Variants in CDK14 observed in about 807,000 individuals in gnomAD.
CDK14 encodes the protein cyclin dependent kinase 14, also known as cyclin-dependent kinase 14.
A neutral mutation model predicts 60.7 loss-of-function variants in CDK14; 34 were observed. The observed-to-expected ratio is 0.56, with a 90% CI of 0.43 to 0.75. The LOEUF is 0.75. Among genes scored for constraint, CDK14 ranks in the 30% least tolerant of loss-of-function variants. CDK14 has a pLI of 0.00. For synonymous variants in CDK14, 197 were observed against 203.7 expected, an observed-to-expected ratio of 0.97 and a Z score of 0.28; for missense variants, 482 against 564.1, an observed-to-expected ratio of 0.85 and a Z score of 1.47.
At chr7:90,893,152 G>A (rs992099548) in intron 6 of CDK14, among the ~76,000 whole-genome samples, 2 of 152,098 alleles carry the variant, frequency 1.3e-5, no homozygotes, top group Non-Finnish European at 2.9e-5. Context: ...ACACTTGATA[G>A]CTTCCTTTAA....
Position 91,085,396 on chromosome 7 carries a change from G to A in CDK14, c.1154+5916G>A, listed in dbSNP as rs1001502713. ...CATAGCCACCTTCTCCATCAAACAAGCTTCTGATCTCTCTGACTTCCTGTC... is the reference window on the plus strand; with the variant it reads ...CATAGCCACCTTCTCCATCAAACAAACTTCTGATCTCTCTGACTTCCTGTC... On this transcript the variant is annotated intron_variant, in intron 12 of 14. Coordinates refer to ENST00000380050, the MANE Select transcript of CDK14 (RefSeq NM_001287135.2). 1.1e-3 allele frequency among the ~76,000 whole-genome samples: 161 copies of A among 152,142 alleles called. 1 individual carries two copies. Among genetic ancestry groups the A allele is most frequent in the African/African-American group, 3.6e-3 (151 of 41,434 alleles).
chr7:91,066,951 C>T (rs1393975120), intron 11 of CDK14, among the ~76,000 whole-genome samples: 1 of 152,186 alleles, frequency 6.6e-6, no homozygotes, highest in Non-Finnish European at 1.5e-5. Flanking sequence ...CTCAGTTATG[C>T]TGTGAGTTAG....
chr7:90,825,107 T>G (rs1789678261), intron 5 of CDK14, among the ~76,000 whole-genome samples: 1 of 152,188 alleles, frequency 6.6e-6, no homozygotes, highest in African/African-American at 2.4e-5. Context: ...CTGAATCACT[T>G]GAGACCTATT....
chr7:90,991,753 G>A (rs1285421464), intron 10 of CDK14, among the ~76,000 whole-genome samples: 1 of 152,200 alleles, frequency 6.6e-6, no homozygotes, highest in African/African-American at 2.4e-5. Flanking sequence ...AGAAAGGTTA[G>A]ACTTTCCATG....
At chr7:90,596,777 G>C (rs973156498) in intron 1 of CDK14, 59 bp downstream of exon 1, 1 of 1,411,368 alleles carries the variant, frequency 7.1e-7, no homozygotes, top group African/African-American at 1.4e-5. Flanking sequence ...CTGCGCCCCC[G>C]CCGCGTTCCT....
At chr7:90,802,955 C>T (rs1206743396) in intron 5 of CDK14, among the ~76,000 whole-genome samples, 1 of 152,020 alleles carries the variant, frequency 6.6e-6, no homozygotes, top group Non-Finnish European at 1.5e-5. Flanking sequence ...TGTTTGGTCT[C>T]TTTCTTATTG....
In CDK14 at chr7:91,060,147, C is replaced by T. The variant is rs183144317; in HGVS notation, c.1105+14187C>T. On this transcript the variant is annotated intron_variant, in intron 11 of 14. Coordinates refer to ENST00000380050, the MANE Select transcript of CDK14 (RefSeq NM_001287135.2). ...TCTTCTTGTTGAATTGATCCCTTTACCATTATGTAATGGCCTTGTCTCTTT... is the reference window on the plus strand; with the variant it reads ...TCTTCTTGTTGAATTGATCCCTTTATCATTATGTAATGGCCTTGTCTCTTT... Among the ~76,000 whole-genome samples, 315 of 152,156 alleles carry T rather than the reference C, an allele frequency of 2.1e-3. 3 individuals are homozygous for T. Among genetic ancestry groups the T allele is most frequent in the Middle Eastern group, 0.017 (5 of 292 alleles).
At chr7:91,189,087 A>G (rs1802275632) in intron 14 of CDK14, among the ~76,000 whole-genome samples, 1 of 152,200 alleles carries the variant, frequency 6.6e-6, no homozygotes, top group Non-Finnish European at 1.5e-5. Context: ...TTGAATAAAT[A>G]TCATTACAAA....
chr7:91,000,976 A>G (rs1795819010), intron 10 of CDK14, among the ~76,000 whole-genome samples: 1 of 152,208 alleles, frequency 6.6e-6, no homozygotes, highest in Non-Finnish European at 1.5e-5. Flanking sequence ...GAAATACATA[A>G]CTAAATTCAG....
rs550106751 is a variant in CDK14 at position 90,726,554 on chromosome 7, C to T, written c.124-13C>T. 1 of 1,611,308 alleles carries T rather than the reference C, an allele frequency of 6.2e-7. No individual in the cohort carries two copies. Among genetic ancestry groups the T allele is most frequent in the East Asian group, 2.2e-5 (1 of 44,812 alleles). ...CAGTGAAGAGTTCTGAATTTAATTT[C>T]TTCTTTTCTCAGATATGTGTCACAA... On this transcript the variant is annotated splice_polypyrimidine_tract_variant and intron_variant, in intron 2 of 14. Coordinates refer to ENST00000380050, the MANE Select transcript of CDK14 (RefSeq NM_001287135.2).
rs147132256 is a variant in CDK14 at position 90,628,098 on chromosome 7, G to C, written c.123+23849G>C. 1.5e-3 allele frequency among the ~76,000 whole-genome samples: 235 copies of C among 152,248 alleles called. 2 individuals are homozygous for C. Among genetic ancestry groups the C allele is most frequent in the East Asian group, 0.013 (66 of 5,184 alleles). On this transcript the variant is annotated intron_variant, in intron 2 of 14. Transcript: ENST00000380050. ...GCCTCCCAAGTAGTTGGGACCACAG[G>C]TGTGTGCCACTATGCATGGCAATTT...
At chr7:91,063,039 C>T (rs2116134747) in intron 11 of CDK14, among the ~76,000 whole-genome samples, 1 of 152,298 alleles carries the variant, frequency 6.6e-6, no homozygotes, top group Middle Eastern at 3.4e-3. Flanking sequence ...ACTGTTTATG[C>T]AAACTGTCAG....
chr7:91,174,601 G>C (rs1441582996), intron 14 of CDK14, among the ~76,000 whole-genome samples: 7 of 138,804 alleles, frequency 5.0e-5, no homozygotes, highest in Admixed American at 8.0e-5. Flanking sequence ...CCAATAGAGA[G>C]AAGTGCTTAA....
chr7:90,652,625 T>C (rs1296412279), intron 2 of CDK14, among the ~76,000 whole-genome samples: 1 of 152,226 alleles, frequency 6.6e-6, no homozygotes, highest in Non-Finnish European at 1.5e-5. Flanking sequence ...GACGATGTGC[T>C]AGAAACTGTA....
intron 7 of CDK14, among the ~76,000 whole-genome samples, chr7:90,905,373 A>G (rs1792662041): frequency 6.6e-6 from 1 of 152,204 alleles, no homozygotes; most frequent in Non-Finnish European, 1.5e-5. Flanking sequence ...CAAACTGACA[A>G]ACAAAAGAAC....
At chr7:90,745,490 A>C (rs956039016) in intron 3 of CDK14, among the ~76,000 whole-genome samples, 3 of 152,076 alleles carry the variant, frequency 2.0e-5, no homozygotes, top group African/African-American at 7.2e-5. Context: ...CATTGAGCTT[A>C]TTACTTTTTT....
At chr7:90,785,933 C>G (rs1381441462) in intron 4 of CDK14, among the ~76,000 whole-genome samples, 1 of 151,918 alleles carries the variant, frequency 6.6e-6, no homozygotes, top group East Asian at 1.9e-4. Context: ...TGCTTAGAAA[C>G]AGTTTGAAAG....
Position 91,210,245 on chromosome 7 carries a change from C to T in CDK14, c.*3109C>T, listed in dbSNP as rs574969030. The T allele has an allele frequency of 1.1e-4, 17 of 152,750 alleles. No individual in the cohort carries two copies. The South Asian group carries it at 1.5e-3, about 13-fold the overall frequency. The allele number at this position is 152,750 out of a possible 1,614,324, so 9.5% of individuals were successfully genotyped here. On this transcript the variant is annotated 3_prime_UTR_variant, in exon 15 of 15. Coordinates refer to ENST00000380050, the MANE Select transcript of CDK14 (RefSeq NM_001287135.2). ...AATAAAATAAGCAATCTTCTATTCT[C>T]ATTCCTTTTCCCACAGCAGCATATT...
At chr7:90,965,631 T>C (rs577790750) in intron 9 of CDK14, among the ~76,000 whole-genome samples, 1 of 152,308 alleles carries the variant, frequency 6.6e-6, no homozygotes, top group African/African-American at 2.4e-5. Flanking sequence ...TGACTGCAGA[T>C]TCCCTTTATC....
Sources: allele counts gnomAD v4.1 joint callset (sites outside exome capture counted in the v4.1 genomes callset), GRCh38; gene constraint gnomAD v4.1.1; transcripts MANE v1.5; gene names NCBI Gene and HGNC (gene_info 2026-07-23, HGNC 2026-07-21).